ZBTB10: variants seen among roughly 807,000 people sequenced by gnomAD.
ZBTB10 encodes the protein zinc finger and BTB domain-containing protein 10.
Under a neutral mutation model 76.4 loss-of-function variants are expected in ZBTB10, and 32 were observed. That is an observed-to-expected ratio of 0.42 (90% CI 0.32 to 0.56). The LOEUF (loss-of-function observed/expected upper bound fraction) is 0.56. Ranked by LOEUF, ZBTB10 falls within the 20% of genes least tolerant of loss-of-function variation. The pLI is 0.14. For synonymous variants in ZBTB10, 523 were observed against 432.9 expected, an observed-to-expected ratio of 1.21 and a Z score of -2.58; for missense variants, 1,057 against 1,098.5, an observed-to-expected ratio of 0.96 and a Z score of 0.53.
intron 1 of ZBTB10, among the ~76,000 whole-genome samples, chr8:80,490,624 C>T (rs1055036065): frequency 6.6e-5 from 10 of 152,142 alleles, no homozygotes; most frequent in Admixed American, 2.0e-4. Context: ...ACATTCTGAG[C>T]CTATTTCTCA....
At chr8:80,493,937 C>T (rs1431444709) in intron 1 of ZBTB10, among the ~76,000 whole-genome samples, 4 of 152,210 alleles carry the variant, frequency 2.6e-5, no homozygotes, top group African/African-American at 7.2e-5. Context: ...GATGCCATCA[C>T]TCAGAGATAT....
At chr8:80,519,006 G>A (rs1585864436) in intron 5 of ZBTB10, 52 bp downstream of exon 5, 1 of 1,520,712 alleles carries the variant, frequency 6.6e-7, no homozygotes, top group East Asian at 2.4e-5. Context: ...ATTTATGTCA[G>A]TGAAGTTTAA....
chr8:80,523,480 T>C lies in ZBTB10; in HGVS notation c.*3952T>C, dbSNP rs540849159. 2 of 152,086 alleles carry C rather than the reference T, an allele frequency of 1.3e-5. No homozygotes were observed. The highest frequency in any genetic ancestry group is 2.1e-4 in the South Asian group (1 of 4,820). 9.4% of individuals were successfully genotyped at this position (152,086 alleles called of 1,614,324 possible). ...GCATTTTAATTTTATAAAAGAATGG[T>C]TTTTATCTGAAGAACTAGATAGAAA... On this transcript the variant is annotated 3_prime_UTR_variant, in exon 6 of 6. Coordinates refer to ENST00000455036, the MANE Select transcript of ZBTB10 (RefSeq NM_001105539.3).
chr8:80,519,769 C>A lies in ZBTB10; in HGVS notation c.*241C>A. On this transcript the variant is annotated 3_prime_UTR_variant, in exon 6 of 6. Coordinates refer to ENST00000455036, the MANE Select transcript of ZBTB10 (RefSeq NM_001105539.3). ...AGTCCCCACATACTCAGTCAGTTAT[C>A]AAAGTAAAATATTTTTTATTTATAG... The A allele has an allele frequency of 2.6e-6, 1 of 384,484 alleles. No individual in the cohort carries two copies. The highest frequency in any genetic ancestry group is 4.0e-5 in the East Asian group (1 of 25,166). The allele number at this position is 384,484 out of a possible 1,614,324, so 23.8% of individuals were successfully genotyped here.
Position 80,523,621 on chromosome 8 carries a change from T to G in ZBTB10, c.*4093T>G, listed in dbSNP as rs1458999266. On this transcript the variant is annotated 3_prime_UTR_variant, in exon 6 of 6. Coordinates refer to ENST00000455036, the MANE Select transcript of ZBTB10 (RefSeq NM_001105539.3). ...CTTTAGGACTTAAAATGGAAAGTTT[T>G]TTTTTTTTTCCTGCTGTATCTCTGC... 6.6e-6 allele frequency: 1 copy of G among 151,938 alleles called. No homozygotes were observed. Among genetic ancestry groups the G allele is most frequent in the African/African-American group, 2.4e-5 (1 of 41,390 alleles). 9.4% of individuals were successfully genotyped at this position (151,938 alleles called of 1,614,324 possible).
chr8:80,494,922 C>CAA (rs35629668), intron 1 of ZBTB10, among the ~76,000 whole-genome samples: 53 of 105,174 alleles, frequency 5.0e-4, no homozygotes, highest in East Asian at 1.6e-3. Context: ...GACACTGTCT[C>CAA]AAAAAAAAAA....
At chr8:80,517,143 A>G (rs1474876015) in intron 3 of ZBTB10, among the ~76,000 whole-genome samples, 2 of 152,178 alleles carry the variant, frequency 1.3e-5, no homozygotes, top group African/African-American at 4.8e-5. Flanking sequence ...GAGGGTGGGT[A>G]GTCTTTGCAG....
At chr8:80,507,878 G>A (rs1245371808) in intron 2 of ZBTB10, among the ~76,000 whole-genome samples, 3 of 152,128 alleles carry the variant, frequency 2.0e-5, no homozygotes, top group Non-Finnish European at 2.9e-5. Context: ...GGGGTTGCAG[G>A]CATGAGCCAC....
chr8:80,511,426 GAAT>G (rs1307677037), intron 2 of ZBTB10, among the ~76,000 whole-genome samples: 6 of 152,170 alleles, frequency 3.9e-5, no homozygotes, highest in Non-Finnish European at 8.8e-5. Context: ...CTGCATTTCA[GAAT>G]AATGACTTTT....
chr8:80,485,772 C>G, upstream of ZBTB10: 5 of 1,534,096 alleles, frequency 3.3e-6, no homozygotes, highest in Non-Finnish European at 4.4e-6. Context: ...CACCGCCACC[C>G]ACCCTCAGCA....
Position 80,501,384 on chromosome 8 carries a change from T to TG in ZBTB10, c.1861+1003dup, listed in dbSNP as rs112518278. ...TGTTAAGTCTTTAGTTTAATCTGGC[T>TG]GTGCATATCTTTATTTGAAGAAGCT... On this transcript the variant is annotated intron_variant, in intron 2 of 5. Transcript: ENST00000455036. Among the ~76,000 whole-genome samples, 183 of 152,364 alleles carry TG rather than the reference T, an allele frequency of 1.2e-3. 3 individuals carry two copies. Among genetic ancestry groups the TG allele is most frequent in the African/African-American group, 4.3e-3 (180 of 41,582 alleles).
chr8:80,496,018 A>G (rs763042723), intron 1 of ZBTB10, among the ~76,000 whole-genome samples: 7 of 152,234 alleles, frequency 4.6e-5, no homozygotes, highest in Non-Finnish European at 1.0e-4. Context: ...GAGAGAGGTT[A>G]GAAAAGGTCA....
At position 80,507,722 on chromosome 8, in the gene ZBTB10, C is replaced by T. The variant is rs1816096272; in HGVS notation, c.1862-6188C>T. Among the ~76,000 whole-genome samples the T allele has an allele frequency of 2.6e-5, 4 of 152,062 alleles. No individual in the cohort carries two copies. In the South Asian group the frequency reaches 8.3e-4, roughly 32 times the overall value. On this transcript the variant is annotated intron_variant, in intron 2 of 5. Transcript: ENST00000455036. ...TCCTCCTGCCTCAGCCTCCTGAGTACCTGGGCACACCTACAGGCATGGGCC... is the reference window on the plus strand; with the variant it reads ...TCCTCCTGCCTCAGCCTCCTGAGTATCTGGGCACACCTACAGGCATGGGCC...
chr8:80,490,332 T>C lies in ZBTB10; in HGVS notation c.972+2550T>C, dbSNP rs1815593294. On this transcript the variant is annotated intron_variant, in intron 1 of 5. Transcript: ENST00000455036. Reference sequence around the variant, plus strand: ...GTGCAGTGGTGAGATAAAGGCTCACTGCAGCCTCCTGGGCTCAGGCATCCT... The same window carrying C: ...GTGCAGTGGTGAGATAAAGGCTCACCGCAGCCTCCTGGGCTCAGGCATCCT... Among the ~76,000 whole-genome samples, 5 of 152,258 alleles carry C rather than the reference T, an allele frequency of 3.3e-5. No homozygotes were observed. In the South Asian group the frequency reaches 1.0e-3, roughly 32 times the overall value.
intron 2 of ZBTB10, among the ~76,000 whole-genome samples, chr8:80,508,979 G>C (rs909426450): frequency 6.6e-6 from 1 of 152,124 alleles, no homozygotes; most frequent in African/African-American, 2.4e-5. Flanking sequence ...CTGTTAGGGA[G>C]AAATAACAGC....
At chr8:80,502,508 A>G (rs1815949968) in intron 2 of ZBTB10, among the ~76,000 whole-genome samples, 1 of 152,162 alleles carries the variant, frequency 6.6e-6, no homozygotes, top group Admixed American at 6.5e-5. Context: ...TGTTGGGATT[A>G]CATGGGTGAG....
At chr8:80,486,173 C>G (rs1815442820), upstream of ZBTB10, 1 of 1,174,912 alleles carries the variant, frequency 8.5e-7, no homozygotes, top group Non-Finnish European at 1.1e-6. Flanking sequence ...ACCCTTTCCC[C>G]CTCCAGCGGT....
intron 1 of ZBTB10, among the ~76,000 whole-genome samples, chr8:80,488,023 G>A (rs993943330): frequency 7.4e-6 from 1 of 134,950 alleles, no homozygotes; most frequent in Admixed American, 7.0e-5. Context: ...TTGTCGTGGC[G>A]CTGGATTTTC....
At chr8:80,504,371 T>G (rs1046436098) in intron 2 of ZBTB10, among the ~76,000 whole-genome samples, 4 of 152,230 alleles carry the variant, frequency 2.6e-5, no homozygotes, top group Non-Finnish European at 5.9e-5. Context: ...CCCTCAGGTC[T>G]TCAGCACAGA....
Sources: allele counts gnomAD v4.1 joint callset (sites outside exome capture counted in the v4.1 genomes callset), GRCh38; gene constraint gnomAD v4.1.1; transcripts MANE v1.5; gene names NCBI Gene and HGNC (gene_info 2026-07-23, HGNC 2026-07-21).